The following RBPJ variants were observed in gnomAD, a reference collection of about 807,000 sequenced individuals.
RBPJ encodes the protein recombining binding protein suppressor of hairless.
A neutral mutation model predicts 67.8 loss-of-function variants in RBPJ; 9 were observed. The ratio of observed to expected loss-of-function variants is 0.13; its 90% CI spans 0.08 to 0.23. The LOEUF (loss-of-function observed/expected upper bound fraction) is 0.23, where lower values mean the gene tolerates loss of function less well. Among genes scored for constraint, RBPJ ranks in the 10% least tolerant of loss-of-function variants. The pLI is 1.00. For missense variants in RBPJ, 305 were observed against 595.6 expected, an observed-to-expected ratio of 0.51 and a Z score of 5.08; for synonymous variants, 198 against 203.3, an observed-to-expected ratio of 0.97 and a Z score of 0.22.
At chr4:26,417,196 T>C (rs1385263693) in intron 4 of RBPJ, among the ~76,000 whole-genome samples, 24 of 152,212 alleles carry the variant, frequency 1.6e-4, no homozygotes, top group Admixed American at 1.6e-3. Context: ...CCTGTGTGTA[T>C]AACTGTTTAA....
chr4:26,283,995 TG>T (rs1721374914), intron 1 of RBPJ, among the ~76,000 whole-genome samples: 1 of 152,210 alleles, frequency 6.6e-6, no homozygotes, highest in South Asian at 2.1e-4. Flanking sequence ...AGATTTAAGC[TG>T]GAGGCAAATG....
intron 1 of RBPJ, among the ~76,000 whole-genome samples, chr4:26,306,449 T>TTAC (rs1170719933): frequency 3.3e-5 from 5 of 150,232 alleles, no homozygotes; most frequent in Non-Finnish European, 7.4e-5. Flanking sequence ...ATTATTATTA[T>TTAC]TATTATTATT....
At chr4:26,404,933 A>T (rs1485598692) in intron 2 of RBPJ, among the ~76,000 whole-genome samples, 2 of 152,026 alleles carry the variant, frequency 1.3e-5, no homozygotes, top group African/African-American at 4.8e-5. Flanking sequence ...GCGTTCCCTT[A>T]TTGGTGCTTT....
intron 3 of RBPJ, among the ~76,000 whole-genome samples, chr4:26,407,205 C>A (rs3109836): frequency 0.82 from 125,301 of 152,166 alleles, 51,625 homozygotes; most frequent in East Asian, 0.88. Flanking sequence ...TACCGTTTTG[C>A]AAAGGAAAAG....
At position 26,428,749 on chromosome 4, in the gene RBPJ, A is replaced by T. The variant is rs1735928845; in HGVS notation, c.777A>T (p.Ala259=). The part of the protein sequence containing the change: ...LIIRKVDKQT[A]LLDADDPVSQ... Reference sequence around the variant, plus strand: ...TTAGGAAAGTTGATAAGCAGACCGCATTATTGGATGCAGATGATCCTGTGT... The same window carrying T: ...TTAGGAAAGTTGATAAGCAGACCGCTTTATTGGATGCAGATGATCCTGTGT... Residue 259 remains alanine, a synonymous_variant, in exon 8 of 11, where the codon GCA becomes GCT. Coordinates refer to ENST00000355476, the MANE Select transcript of RBPJ (RefSeq NM_015874.6). 1 of 1,610,548 alleles carries T rather than the reference A, an allele frequency of 6.2e-7. No individual in the cohort carries two copies. Among genetic ancestry groups the T allele is most frequent in the African/African-American group, 1.3e-5 (1 of 74,832 alleles).
intron 2 of RBPJ, among the ~76,000 whole-genome samples, chr4:26,387,675 T>C (rs2109642568): frequency 6.6e-6 from 1 of 152,286 alleles, no homozygotes. Context: ...GAGGTTTCCT[T>C]TCAGTCTTCA....
chr4:26,401,841 T>C (rs1401490959), intron 2 of RBPJ, among the ~76,000 whole-genome samples: 4 of 152,092 alleles, frequency 2.6e-5, no homozygotes, highest in Non-Finnish European at 5.9e-5. Flanking sequence ...TTTGTCAGGA[T>C]ATTGGCCTTC....
intron 1 of RBPJ, among the ~76,000 whole-genome samples, chr4:26,223,098 T>C (rs1718968750): frequency 6.8e-6 from 1 of 147,900 alleles, no homozygotes; most frequent in Non-Finnish European, 1.5e-5. Context: ...GAGGTTGCAG[T>C]GAGCCAAGAT....
chr4:26,355,864 G>C (rs1727324905), intron 1 of RBPJ, among the ~76,000 whole-genome samples: 1 of 152,154 alleles, frequency 6.6e-6, no homozygotes. Flanking sequence ...ACAAGAAGAG[G>C]GGATGGTTAA....
upstream of RBPJ, chr4:26,320,746 G>C (rs1362240654): frequency 2.6e-6 from 4 of 1,552,158 alleles, no homozygotes; most frequent in Non-Finnish European, 3.5e-6. Flanking sequence ...CGGATAACCG[G>C]AGCGCTCCCC....
chr4:26,362,072 C>G (rs1577524609), intron 1 of RBPJ, among the ~76,000 whole-genome samples: 1 of 152,176 alleles, frequency 6.6e-6, no homozygotes, highest in African/African-American at 2.4e-5. Context: ...GTCTATTAAT[C>G]AGTTTCCTTT....
At chr4:26,397,231 A>C (rs966337440) in intron 2 of RBPJ, among the ~76,000 whole-genome samples, 2 of 152,178 alleles carry the variant, frequency 1.3e-5, no homozygotes, top group Admixed American at 6.5e-5. Context: ...CACTTTGAGA[A>C]GTGTCTGAGG....
intron 4 of RBPJ, 93 bp downstream of exon 4, chr4:26,415,733 AAT>A: frequency 8.1e-7 from 1 of 1,228,560 alleles, no homozygotes; most frequent in East Asian, 2.4e-5. Context: ...TTTTTTCTTT[AAT>A]AACTATTGGT....
At chr4:26,314,838 C>A (rs1042361872), upstream of RBPJ, among the ~76,000 whole-genome samples, 1 of 152,034 alleles carries the variant, frequency 6.6e-6, no homozygotes, top group Non-Finnish European at 1.5e-5. Context: ...CATTTTCACT[C>A]CCACTAGCAG....
chr4:26,211,126 G>C (rs943847293), intron 1 of RBPJ, among the ~76,000 whole-genome samples: 1 of 152,078 alleles, frequency 6.6e-6, no homozygotes, highest in African/African-American at 2.4e-5. Flanking sequence ...CATGGAAATA[G>C]CCTTACTCAA....
intron 1 of RBPJ, among the ~76,000 whole-genome samples, chr4:26,242,345 G>A (rs528059216): frequency 6.6e-6 from 1 of 152,052 alleles, no homozygotes; most frequent in East Asian, 1.9e-4. Context: ...CTACTCGGGA[G>A]GCTGAGGCGG....
intron 1 of RBPJ, among the ~76,000 whole-genome samples, chr4:26,294,442 A>G (rs1183378629): frequency 6.6e-6 from 1 of 152,196 alleles, no homozygotes; most frequent in Non-Finnish European, 1.5e-5. Context: ...TTACATTTTT[A>G]AAAGTACTCC....
chr4:26,269,749 C>A (rs1466085478), intron 1 of RBPJ, among the ~76,000 whole-genome samples: 1 of 151,936 alleles, frequency 6.6e-6, no homozygotes, highest in Non-Finnish European at 1.5e-5. Context: ...AAGGAGGAAG[C>A]GGTGAGCGGG....
At chr4:26,385,340 T>C (rs1730805570) in intron 1 of RBPJ, among the ~76,000 whole-genome samples, 1 of 152,090 alleles carries the variant, frequency 6.6e-6, no homozygotes. Context: ...TTCTGTATAT[T>C]AATTAATATG....
Sources: gnomAD v4.1 joint callset for allele counts (sites outside exome capture counted in the v4.1 genomes callset) on GRCh38, gnomAD v4.1.1 for gene constraint, MANE v1.5 for transcripts, NCBI Gene and HGNC (gene_info 2026-07-23, HGNC 2026-07-21) for gene names.